Variants in CALCR observed in about 807,000 individuals in gnomAD.
CALCR encodes calcitonin receptor.
A neutral mutation model predicts 59.5 loss-of-function variants in CALCR; 47 were observed. That is an observed-to-expected ratio of 0.79 (90% CI 0.63 to 1.01). CALCR has a LOEUF of 1.01. CALCR is among the 50% of genes least tolerant of loss of function. The pLI, the probability that CALCR is intolerant of heterozygous loss-of-function variation, is 0.00. For missense variants in CALCR, 566 were observed against 597.1 expected (o/e 0.95, Z 0.54); for synonymous variants, 213 against 211.3 (o/e 1.01, Z -0.07).
At chr7:93,486,850 C>T (rs1433669885) in intron 3 of CALCR, 81 bp downstream of exon 3, 10 of 881,266 alleles carry the variant, frequency 1.1e-5, no homozygotes, top group Non-Finnish European at 1.9e-5. Context: ...CTTGCAAATA[C>T]TAATTAAATC....
At chr7:93,511,492 A>G (rs891425028) in intron 2 of CALCR, among the ~76,000 whole-genome samples, 1 of 152,134 alleles carries the variant, frequency 6.6e-6, no homozygotes, top group Non-Finnish European at 1.5e-5. Context: ...GTTTTATAAT[A>G]ATCACTTTAT....
intron 2 of CALCR, among the ~76,000 whole-genome samples, chr7:93,494,188 G>A (rs1801147396): frequency 6.6e-6 from 1 of 151,326 alleles, no homozygotes; most frequent in African/African-American, 2.4e-5. Context: ...GTGAATATGT[G>A]GTGATTGGAT....
At chr7:93,571,313 G>A (rs1047750194) in intron 2 of CALCR, among the ~76,000 whole-genome samples, 2 of 151,882 alleles carry the variant, frequency 1.3e-5, no homozygotes, top group African/African-American at 2.4e-5. Flanking sequence ...TTGAGGATAG[G>A]GATATGACTT....
intron 2 of CALCR, among the ~76,000 whole-genome samples, chr7:93,523,154 T>A (rs1390856786): frequency 6.6e-6 from 1 of 152,226 alleles, no homozygotes; most frequent in Admixed American, 6.5e-5. Context: ...TGCTAATTTG[T>A]TTCCTTCCTT....
intron 2 of CALCR, among the ~76,000 whole-genome samples, chr7:93,531,370 G>C (rs2116133907): frequency 6.6e-6 from 1 of 152,122 alleles, no homozygotes; most frequent in East Asian, 1.9e-4. Context: ...GCAGGGATTT[G>C]AGATACTAAA....
chr7:93,471,561 T>A (rs1347521280), intron 6 of CALCR, among the ~76,000 whole-genome samples: 1 of 151,898 alleles, frequency 6.6e-6, no homozygotes, highest in Non-Finnish European at 1.5e-5. Context: ...AGTTTTCAAC[T>A]GAATAATTAT....
At chr7:93,560,301 GC>G (rs780661657) in intron 2 of CALCR, among the ~76,000 whole-genome samples, 30 of 151,930 alleles carry the variant, frequency 2.0e-4, no homozygotes, top group Non-Finnish European at 4.0e-4. Flanking sequence ...TTAAAACAAT[GC>G]TCTACCCTAG....
At chr7:93,556,579 A>T (rs1789611878) in intron 2 of CALCR, among the ~76,000 whole-genome samples, 1 of 152,032 alleles carries the variant, frequency 6.6e-6, no homozygotes, top group African/African-American at 2.4e-5. Flanking sequence ...AACAGTTAAT[A>T]ATTTCAGGTT....
chr7:93,501,316 C>A (rs1056633437), intron 2 of CALCR, among the ~76,000 whole-genome samples: 1 of 152,080 alleles, frequency 6.6e-6, no homozygotes, highest in Non-Finnish European at 1.5e-5. Context: ...TTGTGAGAAA[C>A]TTGCATATGA....
chr7:93,460,593 G>GTGTATATATATATATATATATA (rs1296016997), intron 8 of CALCR, among the ~76,000 whole-genome samples: 3 of 89,378 alleles, frequency 3.4e-5, no homozygotes, highest in African/African-American at 1.6e-4. Flanking sequence ...ATATATATAT[G>GTGTATATATATATATATATATA]TATATATATA....
intron 2 of CALCR, among the ~76,000 whole-genome samples, chr7:93,563,439 TTTG>T (rs1789791373): frequency 1.3e-5 from 2 of 152,180 alleles, no homozygotes. Context: ...TATTTTGCAT[TTTG>T]TTAGTAGAAA....
At chr7:93,525,658 T>C (rs1300520104) in intron 2 of CALCR, among the ~76,000 whole-genome samples, 1 of 152,156 alleles carries the variant, frequency 6.6e-6, no homozygotes, top group Non-Finnish European at 1.5e-5. Context: ...TTTAAGTCAG[T>C]CAATTTGTCA....
rs111556460 is a variant in CALCR at position 93,506,204 on chromosome 7, G to A, written c.-26-19197C>T. Among the ~76,000 whole-genome samples, 252 of 152,254 alleles carry A rather than the reference G, an allele frequency of 1.7e-3. 3 individuals carry two copies. The highest frequency in any genetic ancestry group is 5.6e-3 in the African/African-American group (233 of 41,550). ...TGACGAACCCCAGTTATTTACCCCA[G>A]AAAATGATGCCGCTTCACTAGGTTT... On this transcript the variant is annotated intron_variant, in intron 2 of 13. Transcript: ENST00000426151.
chr7:93,477,749 A>C, intron 4 of CALCR, 81 bp from the exon 5 acceptor site: 1 of 850,552 alleles, frequency 1.2e-6, no homozygotes, highest in South Asian at 1.4e-5. Flanking sequence ...CGATATTACA[A>C]GTAGCTGAGC....
At chr7:93,437,026 C>CT (rs56167457) in intron 11 of CALCR, among the ~76,000 whole-genome samples, 32,793 of 148,280 alleles carry the variant, frequency 0.22, 3,953 homozygotes, top group East Asian at 0.39. Context: ...ATTGTTGAAT[C>CT]TTTTTTTTTA....
intron 13 of CALCR, among the ~76,000 whole-genome samples, chr7:93,429,083 A>T (rs1408513729): frequency 6.6e-6 from 1 of 152,232 alleles, no homozygotes; most frequent in East Asian, 1.9e-4. Flanking sequence ...ATTATTACAG[A>T]AAGGTTCACG....
intron 2 of CALCR, among the ~76,000 whole-genome samples, chr7:93,545,295 G>C (rs1486333753): frequency 6.6e-6 from 1 of 152,034 alleles, no homozygotes. Context: ...TCCTCTGGCT[G>C]TAGAGTGCTG....
At chr7:93,450,443 T>G (rs1468757195) in intron 8 of CALCR, among the ~76,000 whole-genome samples, 2 of 151,994 alleles carry the variant, frequency 1.3e-5, no homozygotes, top group Non-Finnish European at 2.9e-5. Flanking sequence ...AGTGAAAGAC[T>G]ACACACAAGT....
At chr7:93,516,436 G>C (rs989166802) in intron 2 of CALCR, among the ~76,000 whole-genome samples, 1 of 151,920 alleles carries the variant, frequency 6.6e-6, no homozygotes, top group Non-Finnish European at 1.5e-5. Flanking sequence ...CTTGGGGCTA[G>C]TATCATTACA....
Sources: allele counts gnomAD v4.1 joint callset (sites outside exome capture counted in the v4.1 genomes callset), GRCh38; gene constraint gnomAD v4.1.1; transcripts MANE v1.5; gene names NCBI Gene and HGNC (gene_info 2026-07-23, HGNC 2026-07-21).